DST: variants seen among roughly 807,000 people sequenced by gnomAD.
The protein encoded by DST is dystonin, also known as bullous pemphigoid antigen.
Under a neutral mutation model 875.2 loss-of-function variants are expected in DST, and 253 were observed. The observed-to-expected ratio is 0.29, with a 90% CI of 0.26 to 0.32. The LOEUF is 0.32. Among genes scored for constraint, DST ranks in the 10% least tolerant of loss-of-function variants. The pLI is 1.00. For synonymous variants in DST, 3,124 were observed against 3,197.1 expected, an observed-to-expected ratio of 0.98 and a Z score of 0.77; for missense variants, 8,287 against 9,111.6, an observed-to-expected ratio of 0.91 and a Z score of 3.68.
At chr6:56,486,605 GAA>G (rs1409983443) in intron 87 of DST, among the ~76,000 whole-genome samples, 1 of 152,092 alleles carries the variant, frequency 6.6e-6, no homozygotes, top group Non-Finnish European at 1.5e-5. Context: ...AATGTAATGA[GAA>G]AGAGGGAGAT....
intron 36 of DST, 37 bp downstream of exon 36, chr6:56,624,493 C>T (rs1312085387): frequency 7.2e-7 from 1 of 1,398,586 alleles, no homozygotes; most frequent in Non-Finnish European, 1.0e-6. Flanking sequence ...ATCTCTAGCT[C>T]CTTTATATTT....
intron 73 of DST, 135 bp from the exon 74 acceptor site, chr6:56,510,008 AT>A (rs2096437304): frequency 8.5e-6 from 6 of 708,678 alleles, no homozygotes; most frequent in Admixed American, 6.2e-5. Flanking sequence ...CAACAGACCC[AT>A]TCAAAAGTTA....
intron 4 of DST, among the ~76,000 whole-genome samples, chr6:56,759,187 A>T (rs2099611447): frequency 1.3e-5 from 2 of 152,220 alleles, no homozygotes; most frequent in Admixed American, 1.3e-4. Context: ...GCAGTGGCTC[A>T]CGCCTGTAAT....
intron 2 of DST, among the ~76,000 whole-genome samples, chr6:56,919,254 A>G (rs1019239330): frequency 5.1e-4 from 78 of 152,310 alleles, no homozygotes; most frequent in African/African-American, 1.6e-3. Flanking sequence ...TGTCCTAGAA[A>G]GCTTTTCCCA....
chr6:56,466,051 A>G, intron 99 of DST, 27 bp downstream of exon 99: 1 of 1,528,282 alleles, frequency 6.5e-7, no homozygotes, highest in Non-Finnish European at 9.0e-7. Context: ...TACTTTCATG[A>G]TGTTATCATG....
intron 5 of DST, among the ~76,000 whole-genome samples, chr6:56,730,734 A>G (rs974400629): frequency 2.0e-5 from 3 of 152,200 alleles, no homozygotes; most frequent in African/African-American, 7.2e-5. Flanking sequence ...TAATTTACCT[A>G]GAAACCATGA....
Position 56,606,992 on chromosome 6 carries a change from C to A in DST, c.7636G>T (p.Glu2546Ter). 1 of 1,613,482 alleles carries A rather than the reference C, an allele frequency of 6.2e-7. No homozygotes were observed. The highest frequency in any genetic ancestry group is 8.5e-7 in the Non-Finnish European group (1 of 1,179,604). ...KTHPGFQQMP[E>*]DKEDESEIEE... ...ATTTCAGACTCATCTTCCTTGTCTT[C>A]AGGCATCTGCTGAAAACCTGGATGT... Residue 2546 changes from glutamate (E) to a stop codon, truncating the protein, a stop_gained, in exon 40 of 104, where the codon GAA (glutamate) becomes TAA (stop). Coordinates refer to ENST00000680361, the MANE Select transcript of DST (RefSeq NM_001374736.1). LOFTEE classifies it high-confidence loss of function.
intron 37 of DST, among the ~76,000 whole-genome samples, chr6:56,611,985 G>T (rs765892826): frequency 6.6e-6 from 1 of 152,128 alleles, no homozygotes; most frequent in Non-Finnish European, 1.5e-5. Flanking sequence ...ACTTCCAAAG[G>T]GCATCTTCCT....
In DST at chr6:56,606,953, A is replaced by T; in HGVS notation, c.7675T>A (p.Cys2559Ser). Residue 2559 changes from cysteine (C) to serine (S), a missense_variant, in exon 40 of 104, where the codon TGT becomes AGT. Physicochemically the swap from Cys to Ser is moderately radical, Grantham distance 112. Around this residue, in one of 10 missense-constraint regions of DST, gnomAD observed 3,138 missense variants for 3,116.6 expected, o/e 1.01. Transcript: ENST00000680361. ...GTATCACCCCCTGGAGTCACAGCAC[A>T]GGAATACTCTTCTATTTCAGACTCA... The part of the protein sequence containing the change: ...EDESEIEEYS[C>S]AVTPGGDTDN... 4 of 1,613,532 alleles carry T rather than the reference A, an allele frequency of 2.5e-6. No individual in the cohort carries two copies. The highest frequency in any genetic ancestry group is 3.4e-6 in the Non-Finnish European group (4 of 1,179,626).
At chr6:56,476,039 G>T (rs2095173663) in intron 92 of DST, 110 bp downstream of exon 92, 1 of 993,902 alleles carries the variant, frequency 1.0e-6, no homozygotes, top group Non-Finnish European at 1.4e-6. Flanking sequence ...TGAGGAGTCT[G>T]AAGAAGTGAA....
At chr6:56,775,771 A>G (rs1465387933) in intron 4 of DST, among the ~76,000 whole-genome samples, 1 of 152,282 alleles carries the variant, frequency 6.6e-6, no homozygotes, top group Non-Finnish European at 1.5e-5. Context: ...AACAAGTAGC[A>G]TAACATTGGA....
chr6:56,935,898 C>T (rs1247238711), intron 2 of DST, among the ~76,000 whole-genome samples: 2 of 152,026 alleles, frequency 1.3e-5, no homozygotes, highest in African/African-American at 4.8e-5. Context: ...GCACTCCAGC[C>T]TGGTGACAGA....
At chr6:56,642,542 T>C in intron 15 of DST, 39 bp from the exon 16 acceptor site, 1 of 1,608,924 alleles carries the variant, frequency 6.2e-7, no homozygotes, top group Non-Finnish European at 8.5e-7. Flanking sequence ...CTTCTCCCTT[T>C]GAAGTCAAAG....
intron 3 of DST, among the ~76,000 whole-genome samples, chr6:56,894,349 AGG>A (rs1314544727): frequency 2.0e-5 from 2 of 101,814 alleles, no homozygotes; most frequent in African/African-American, 1.1e-4. Context: ...CTGGCCGGGC[AGG>A]GGGGCTGTTC....
rs562827697 is a variant in DST at position 56,702,248 on chromosome 6, C to A, written c.877-283G>T. 1.5e-4 allele frequency among the ~76,000 whole-genome samples: 23 copies of A among 152,102 alleles called. No homozygotes were observed. The South Asian group carries it at 4.6e-3, about 30-fold the overall frequency. ...GAAGATGTTACAGAATATACAGACA[C>A]TTAATATTTGGTAATAAAACAACGC... On this transcript the variant is annotated intron_variant, in intron 7 of 103. Transcript: ENST00000680361.
At chr6:56,551,852 G>T (rs1418059118) in intron 61 of DST, among the ~76,000 whole-genome samples, 1 of 152,112 alleles carries the variant, frequency 6.6e-6, no homozygotes, top group Non-Finnish European at 1.5e-5. Context: ...CTGCAATAGA[G>T]TTCAAAACAC....
chr6:56,598,529 T>C lies in DST; in HGVS notation c.11875A>G (p.Lys3959Glu), dbSNP rs764759297. 6.2e-6 allele frequency: 10 copies of C among 1,602,116 alleles called. No homozygotes were observed. Among genetic ancestry groups the C allele is most frequent in the Middle Eastern group, 1.7e-4 (1 of 6,040 alleles). Residue 3959 changes from lysine (K) to glutamate (E), a missense_variant, in exon 46 of 104, where the codon AAA (lysine) becomes GAA (glutamate). Physicochemically the swap from Lys to Glu is moderately conservative, Grantham distance 56 (BLOSUM62 1). Transcript: ENST00000680361. Reference sequence around the variant, plus strand: ...GTCACAACTTTATCCAGCTCCTTTTTAGACTGTTCTGCTTTTAAATTAAGC... The same window carrying C: ...GTCACAACTTTATCCAGCTCCTTTTCAGACTGTTCTGCTTTTAAATTAAGC... ...EQLNLKAEQSKKELDKVVTTA... is the reference protein window; with the variant it reads ...EQLNLKAEQSEKELDKVVTTA...
intron 4 of DST, among the ~76,000 whole-genome samples, chr6:56,789,380 T>C (rs906574530): frequency 2.0e-5 from 3 of 152,182 alleles, no homozygotes; most frequent in African/African-American, 7.2e-5. Flanking sequence ...TATATATGCA[T>C]ATGTACACAC....
At chr6:56,527,363 T>C in intron 68 of DST, 130 bp downstream of exon 68, 4 of 1,160,008 alleles carry the variant, frequency 3.4e-6, no homozygotes, top group Non-Finnish European at 4.7e-6. Flanking sequence ...CCAATTTCTA[T>C]TGGGTCTCCA....
Sources: allele counts gnomAD v4.1 joint callset (sites outside exome capture counted in the v4.1 genomes callset), GRCh38; gene constraint gnomAD v4.1.1; regional missense constraint gnomAD v4.1.1; transcripts MANE v1.5; gene names NCBI Gene and HGNC (gene_info 2026-07-23, HGNC 2026-07-21).